Variants in COBLL1 observed in about 807,000 individuals in gnomAD.
The protein encoded by COBLL1 is cordon-bleu protein-like 1.
In COBLL1, 50 loss-of-function variants were observed where a neutral mutation model predicts 94.8. The ratio of observed to expected loss-of-function variants is 0.53; its 90% CI spans 0.42 to 0.67. The LOEUF (loss-of-function observed/expected upper bound fraction) is 0.67, where lower values mean the gene tolerates loss of function less well. Among genes scored for constraint, COBLL1 ranks in the 30% least tolerant of loss-of-function variants. The pLI is 0.00. For synonymous variants in COBLL1, 448 were observed against 473.8 expected (o/e 0.95, Z 0.71); for missense variants, 1,362 against 1,348.7 (o/e 1.01, Z -0.15).
chr2:164,672,598 C>T (rs1691260025), intron 1 of COBLL1, among the ~76,000 whole-genome samples: 1 of 149,520 alleles, frequency 6.7e-6, no homozygotes, highest in Admixed American at 6.7e-5. Flanking sequence ...ACTCGGGAGG[C>T]TGAGGCAGGA....
chr2:164,835,753 T>C (rs1448766498), intron 2 of COBLL1, among the ~76,000 whole-genome samples: 2 of 152,214 alleles, frequency 1.3e-5, no homozygotes, highest in African/African-American at 2.4e-5. Flanking sequence ...AGTTAGGCTG[T>C]TGCATTTTAA....
intron 11 of COBLL1, chr2:164,698,256 G>A (rs1413509441): frequency 6.6e-6 from 1 of 151,756 alleles, no homozygotes; most frequent in Non-Finnish European, 1.5e-5. Flanking sequence ...GACTCAAGTG[G>A]AAAAGAATGA....
At chr2:164,733,059 A>C (rs1319447076) in intron 3 of COBLL1, among the ~76,000 whole-genome samples, 1 of 152,226 alleles carries the variant, frequency 6.6e-6, no homozygotes, top group African/African-American at 2.4e-5. Context: ...CATCTCAAAA[A>C]ACAAAACAAA....
intron 2 of COBLL1, among the ~76,000 whole-genome samples, chr2:164,796,580 T>C (rs947713406): frequency 1.3e-5 from 2 of 151,758 alleles, no homozygotes; most frequent in Non-Finnish European, 2.9e-5. Context: ...CAATGAATAT[T>C]GTTTATAATA....
intron 2 of COBLL1, among the ~76,000 whole-genome samples, chr2:164,659,461 G>A (rs1691035742): frequency 6.6e-6 from 1 of 152,220 alleles, no homozygotes; most frequent in Non-Finnish European, 1.5e-5. Flanking sequence ...TTGCACAAGT[G>A]TGCAGTCGCA....
In COBLL1 at chr2:164,743,825, G is replaced by A. The variant is rs371657216; in HGVS notation, c.92C>T (p.Thr31Ile). Reference protein sequence around the residue: ...APLPPAETKYTDVSSAADSVE... With the variant: ...APLPPAETKYIDVSSAADSVE... ...AGAATCAGCAGCTGAAGAGACATCAGTATATTTGGTCTCAGCTGGAGGAAG... is the reference window on the plus strand; with the variant it reads ...AGAATCAGCAGCTGAAGAGACATCAATATATTTGGTCTCAGCTGGAGGAAG... The change falls in exon 3 of 14, where the codon ACT (threonine) becomes ATT (isoleucine). Residue 31 changes from threonine to isoleucine, a missense_variant. Coordinates refer to ENST00000652658, the MANE Select transcript of COBLL1 (RefSeq NM_001365672.2). The A allele has an allele frequency of 3.7e-6, 6 of 1,610,664 alleles. No individual in the cohort carries two copies. Among genetic ancestry groups the A allele is most frequent in the Non-Finnish European group, 5.1e-6 (6 of 1,177,854 alleles).
intron 13 of COBLL1, 78 bp from the exon 14 acceptor site, chr2:164,686,110 C>A: frequency 1.6e-6 from 1 of 619,628 alleles, no homozygotes; most frequent in East Asian, 3.0e-5. Flanking sequence ...CAACAGTTAC[C>A]ACATTTTAAC....
At position 164,683,803 on chromosome 2, in the gene COBLL1, T is replaced by TA. The variant is rs1268804816; in HGVS notation, c.*2142dup. 1 of 152,180 alleles carries TA rather than the reference T, an allele frequency of 6.6e-6. No homozygotes were observed. Among genetic ancestry groups the TA allele is most frequent in the Non-Finnish European group, 1.5e-5 (1 of 68,026 alleles). The allele number at this position is 152,180 out of a possible 1,614,324, so 9.4% of individuals were successfully genotyped here. On this transcript the variant is annotated 3_prime_UTR_variant, in exon 14 of 14. Coordinates refer to ENST00000652658, the MANE Select transcript of COBLL1 (RefSeq NM_001365672.2). ...GTATTCATGCTGACATATATAGCTC[T>TA]AGCTTGTTCATTTGGACTGCTGTGT...
At chr2:164,765,749 C>T (rs1687900610) in intron 2 of COBLL1, among the ~76,000 whole-genome samples, 1 of 152,030 alleles carries the variant, frequency 6.6e-6, no homozygotes, top group Admixed American at 6.6e-5. Flanking sequence ...TTGAAACACA[C>T]AGAAACAAAA....
At chr2:164,829,351 C>A (rs1020234305) in intron 2 of COBLL1, among the ~76,000 whole-genome samples, 2 of 152,148 alleles carry the variant, frequency 1.3e-5, no homozygotes, top group East Asian at 3.9e-4. Context: ...GCAGCCTCTT[C>A]TTCTACCATC....
intron 2 of COBLL1, among the ~76,000 whole-genome samples, chr2:164,829,027 C>G (rs1414365812): frequency 6.6e-6 from 1 of 152,132 alleles, no homozygotes; most frequent in African/African-American, 2.4e-5. Context: ...TGTCATTTTT[C>G]TCTTTTGCTT....
chr2:164,762,766 G>A (rs1037655291), intron 2 of COBLL1, among the ~76,000 whole-genome samples: 2 of 143,892 alleles, frequency 1.4e-5, no homozygotes, highest in African/African-American at 5.3e-5. Flanking sequence ...GTGCGATCTC[G>A]ACTCACTGCA....
intron 2 of COBLL1, among the ~76,000 whole-genome samples, chr2:164,766,498 T>C (rs1574548610): frequency 6.6e-6 from 1 of 152,166 alleles, no homozygotes; most frequent in Admixed American, 6.5e-5. Context: ...GCTCCAGCAA[T>C]GTGAAGTGCT....
chr2:164,723,653 A>G (rs190905837), intron 5 of COBLL1: 6 of 152,116 alleles, frequency 3.9e-5, no homozygotes, highest in African/African-American at 1.4e-4. Flanking sequence ...TTAATTTCAT[A>G]TGTTCATAAT....
Position 164,728,452 on chromosome 2 carries a change from A to G in COBLL1, c.433-255T>C, listed in dbSNP as rs182572914. ...TAAGATTTTAATTAAATTTGACCCT[A>G]AAAAACTAGCCTCATATCTAGTACT... is the stretch of plus-strand genomic sequence containing the variant. On this transcript the variant is annotated intron_variant, in intron 4 of 13. Transcript: ENST00000652658. Among the ~76,000 whole-genome samples the G allele has an allele frequency of 7.7e-3, 1,170 of 152,174 alleles. 9 individuals carry two copies. The highest frequency in any genetic ancestry group is 0.012 in the Non-Finnish European group (834 of 67,930).
Position 164,680,745 on chromosome 2 carries a change from T to C in COBLL1, c.*5201A>G, listed in dbSNP as rs1683001522. ...TATATCCCAAATATTGTATGGGATATGCTTATACTAAAAAAAAATTTGTTG... is the reference window on the plus strand; with the variant it reads ...TATATCCCAAATATTGTATGGGATACGCTTATACTAAAAAAAAATTTGTTG... On this transcript the variant is annotated 3_prime_UTR_variant, in exon 14 of 14. Transcript: ENST00000652658. The C allele has an allele frequency of 6.6e-6, 1 of 152,122 alleles. No homozygotes were observed. Among genetic ancestry groups the C allele is most frequent in the Non-Finnish European group, 1.5e-5 (1 of 68,026 alleles). 9.4% of individuals were successfully genotyped at this position (152,122 alleles called of 1,614,324 possible).
At chr2:164,708,092 T>A (rs1407398262) in intron 7 of COBLL1, among the ~76,000 whole-genome samples, 1 of 152,070 alleles carries the variant, frequency 6.6e-6, no homozygotes, top group Non-Finnish European at 1.5e-5. Context: ...ATAAACCCAC[T>A]AACTGTGCCT....
intron 2 of COBLL1, among the ~76,000 whole-genome samples, chr2:164,752,429 A>AAACAAC (rs113288547): frequency 0.57 from 86,116 of 151,426 alleles, 25,019 homozygotes; most frequent in African/African-American, 0.68. Context: ...AAATAAACAA[A>AAACAAC]AACAACAAGT....
chr2:164,705,004 G>C lies in COBLL1; in HGVS notation c.1098C>G (p.Ser366=). ...GATGCGGGGGTATTTTGGAGGGTGGGGAAGGTGCTTTTCGCTTTGTCCTTC... is the reference window on the plus strand; with the variant it reads ...GATGCGGGGGTATTTTGGAGGGTGGCGAAGGTGCTTTTCGCTTTGTCCTTC... The part of the protein sequence containing the change: ...SLRRTKRKAP[S]PPSKIPPHQS... Residue 366 remains serine, a synonymous_variant, in exon 8 of 14, where the codon TCC becomes TCG. Transcript: ENST00000652658. 6.2e-7 allele frequency: 1 copy of C among 1,604,496 alleles called. No individual in the cohort carries two copies. Among genetic ancestry groups the C allele is most frequent in the Non-Finnish European group, 8.5e-7 (1 of 1,175,890 alleles).
Sources: gnomAD v4.1 joint callset for allele counts (sites outside exome capture counted in the v4.1 genomes callset) on GRCh38, gnomAD v4.1.1 for gene constraint, MANE v1.5 for transcripts, NCBI Gene and HGNC (gene_info 2026-07-23, HGNC 2026-07-21) for gene names.